Variants in STARD13 observed in about 807,000 individuals in gnomAD.
The protein encoded by STARD13 is StAR related lipid transfer domain containing 13.
Under a neutral mutation model 106.4 loss-of-function variants are expected in STARD13, and 62 were observed. The ratio of observed to expected loss-of-function variants is 0.58; its 90% CI spans 0.48 to 0.72. The LOEUF is 0.72. Among genes scored for constraint, STARD13 ranks in the 30% least tolerant of loss-of-function variants. The pLI, the probability that STARD13 is intolerant of heterozygous loss-of-function variation, is 0.00. For missense variants in STARD13, 1,387 were observed against 1,424.0 expected (o/e 0.97, Z 0.42); for synonymous variants, 565 against 553.0 (o/e 1.02, Z -0.31).
chr13:33,597,131 G>C, the STARD13 span, among the ~76,000 whole-genome samples: 1 of 152,104 alleles, frequency 6.6e-6, no homozygotes, highest in Non-Finnish European at 1.5e-5. Flanking sequence ...CATAATGGCT[G>C]TACTATTATA....
chr13:33,473,913 C>T, the STARD13 span, among the ~76,000 whole-genome samples: 1 of 152,182 alleles, frequency 6.6e-6, no homozygotes, highest in African/African-American at 2.4e-5. Context: ...GCAGGTTAAA[C>T]AAGCTCAACC....
At chr13:33,159,027 C>G (rs1459729134) in intron 3 of STARD13, among the ~76,000 whole-genome samples, 1 of 152,188 alleles carries the variant, frequency 6.6e-6, no homozygotes, top group Non-Finnish European at 1.5e-5. Context: ...TTTTTGGAGA[C>G]ATAGCTGCCA....
chr13:33,662,192 G>A, the STARD13 span, among the ~76,000 whole-genome samples: 1 of 151,498 alleles, frequency 6.6e-6, no homozygotes, highest in Non-Finnish European at 1.5e-5. Context: ...AACCCCGGAG[G>A]CGGAGCTTGC....
rs200449699 is a variant in STARD13 at position 33,129,601 on chromosome 13, C to T, written c.1076G>A (p.Arg359His). ...KERKCHEANK[R>H]GGMYLEDLDV... ...TAGGTCCTCCAAGTACATGCCCCCG[C>T]GCTTGTTGGCCTCGTGGCACTTGCG... The change falls in exon 5 of 14, where the codon CGC (arginine) becomes CAC (histidine). Residue 359 changes from arginine (R) to histidine (H), a missense_variant. Coordinates refer to ENST00000336934, the MANE Select transcript of STARD13 (RefSeq NM_178006.4). 630 of 1,614,112 alleles carry T rather than the reference C, an allele frequency of 3.9e-4. No homozygotes were observed. The highest frequency in any genetic ancestry group is 4.5e-4 in the Non-Finnish European group (532 of 1,180,048).
intron 1 of STARD13, among the ~76,000 whole-genome samples, chr13:33,305,462 G>A (rs1184584305): frequency 1.3e-5 from 2 of 152,166 alleles, no homozygotes; most frequent in African/African-American, 4.8e-5. Context: ...TCTGAATCAA[G>A]ATTTGTTTAT....
chr13:33,207,275 A>G (rs1202113778), intron 1 of STARD13, among the ~76,000 whole-genome samples: 1 of 152,220 alleles, frequency 6.6e-6, no homozygotes, highest in Non-Finnish European at 1.5e-5. Context: ...CTGAATAGCA[A>G]AAGTTTGATA....
intron 1 of STARD13, among the ~76,000 whole-genome samples, chr13:33,232,730 C>T (rs1594140394): frequency 6.6e-6 from 1 of 152,330 alleles, no homozygotes; most frequent in East Asian, 1.9e-4. Context: ...GAAACTTACA[C>T]TTGTCTATTC....
intron 13 of STARD13, 84 bp downstream of exon 13, chr13:33,106,674 A>G: frequency 7.7e-7 from 1 of 1,296,012 alleles, no homozygotes; most frequent in Non-Finnish European, 1.0e-6. Context: ...GAAATAAGAA[A>G]TCAGGGTGAC....
chr13:33,242,635 C>T (rs967436789), intron 1 of STARD13, among the ~76,000 whole-genome samples: 8 of 152,100 alleles, frequency 5.3e-5, no homozygotes, highest in Non-Finnish European at 1.2e-4. Flanking sequence ...GGCCCTCTGC[C>T]TAGGAAAACC....
chr13:33,265,417 C>T (rs906435542), intron 1 of STARD13, among the ~76,000 whole-genome samples: 3 of 152,088 alleles, frequency 2.0e-5, no homozygotes, highest in Non-Finnish European at 4.4e-5. Context: ...GAACAGGTGT[C>T]CTATAGGGAC....
the STARD13 span, among the ~76,000 whole-genome samples, chr13:33,559,730 G>A: frequency 5.3e-5 from 8 of 151,322 alleles, no homozygotes; most frequent in African/African-American, 1.2e-4. Context: ...GGTGGCATGC[G>A]CCTGTAGTCC....
At chr13:33,373,941 A>G in the STARD13 span, among the ~76,000 whole-genome samples, 1 of 152,162 alleles carries the variant, frequency 6.6e-6, no homozygotes, top group Non-Finnish European at 1.5e-5. Flanking sequence ...TTCTGAATAT[A>G]TACCCCACAT....
At chr13:33,538,449 G>C in the STARD13 span, among the ~76,000 whole-genome samples, 2 of 152,092 alleles carry the variant, frequency 1.3e-5, no homozygotes, top group Non-Finnish European at 2.9e-5. Flanking sequence ...ACACAGAAAG[G>C]GTCACCTCAG....
chr13:33,279,772 T>C (rs942308072), intron 1 of STARD13: 1 of 151,016 alleles, frequency 6.6e-6, no homozygotes, highest in African/African-American at 2.5e-5. Context: ...CTCCCAGTAC[T>C]CATTTCTTGA....
Position 33,118,087 on chromosome 13 carries a change from C to T in STARD13, c.2259G>A (p.Glu753=). 6.2e-7 allele frequency: 1 copy of T among 1,614,182 alleles called. No homozygotes were observed. Among genetic ancestry groups the T allele is most frequent in the Non-Finnish European group, 8.5e-7 (1 of 1,180,034 alleles). The part of the protein sequence containing the change: ...PEPLFTNKLS[E]TFLHIYQYVS... ...TACACTGATAGATATGGAGAAAGGTCTCACTGAGCTTGTTGGTGAAAAGAG... is the reference window on the plus strand; with the variant it reads ...TACACTGATAGATATGGAGAAAGGTTTCACTGAGCTTGTTGGTGAAAAGAG... Residue 753 remains glutamate, a synonymous_variant, in exon 8 of 14, where the codon GAG becomes GAA. Coordinates refer to ENST00000336934, the MANE Select transcript of STARD13 (RefSeq NM_178006.4).
chr13:33,620,230 G>A, the STARD13 span, among the ~76,000 whole-genome samples: 24 of 150,514 alleles, frequency 1.6e-4, no homozygotes, highest in African/African-American at 5.8e-4. Context: ...AGACCTAATT[G>A]ACATTCAAAA....
intron 3 of STARD13, among the ~76,000 whole-genome samples, chr13:33,143,139 G>A (rs891921890): frequency 6.6e-6 from 1 of 152,288 alleles, no homozygotes; most frequent in Middle Eastern, 3.4e-3. Context: ...CCAGAACCGT[G>A]AGAAAATAAA....
chr13:33,651,282 C>A, the STARD13 span, among the ~76,000 whole-genome samples: 3 of 152,166 alleles, frequency 2.0e-5, no homozygotes, highest in Non-Finnish European at 4.4e-5. Context: ...TCGAATTATT[C>A]CCCAACTCAC....
chr13:33,300,132 G>C (rs990429686), intron 1 of STARD13, among the ~76,000 whole-genome samples: 11 of 152,202 alleles, frequency 7.2e-5, no homozygotes, highest in Admixed American at 5.2e-4. Flanking sequence ...ACATAAGCTT[G>C]GACAAATCAA....
Sources: gnomAD v4.1 joint callset for allele counts (sites outside exome capture counted in the v4.1 genomes callset) on GRCh38, gnomAD v4.1.1 for gene constraint, MANE v1.5 for transcripts, NCBI Gene and HGNC (gene_info 2026-07-23, HGNC 2026-07-21) for gene names.